Variants in ENTHD1 observed in about 807,000 individuals in gnomAD.
ENTHD1 encodes ENTH domain containing 1, also known as ENTH domain-containing protein 1.
In ENTHD1, 23 loss-of-function variants were observed where a neutral mutation model predicts 39.1. The observed-to-expected ratio is 0.59, with a 90% CI of 0.42 to 0.83. The LOEUF (loss-of-function observed/expected upper bound fraction) is 0.83, where lower values mean the gene tolerates loss of function less well. Among genes scored for constraint, ENTHD1 ranks in the 40% least tolerant of loss-of-function variants. The pLI is 0.00. For missense variants in ENTHD1, 624 were observed against 705.4 expected, an observed-to-expected ratio of 0.88 and a Z score of 1.31; for synonymous variants, 230 against 258.2, an observed-to-expected ratio of 0.89 and a Z score of 1.05.
chr22:39,799,031 G>A (rs2065576318), intron 5 of ENTHD1, among the ~76,000 whole-genome samples: 1 of 152,188 alleles, frequency 6.6e-6, no homozygotes, highest in African/African-American at 2.4e-5. Context: ...CCTAGGTGGT[G>A]TGTCTGGGCC....
intron 2 of ENTHD1, chr22:39,875,348 C>T (rs935708564): frequency 3.7e-6 from 5 of 1,354,756 alleles, no homozygotes; most frequent in Admixed American, 3.8e-5. Flanking sequence ...GGCCACGTCC[C>T]GCGGGGTGGC....
chr22:39,846,304 G>A (rs879286737), intron 3 of ENTHD1, among the ~76,000 whole-genome samples: 5 of 152,106 alleles, frequency 3.3e-5, no homozygotes, highest in Non-Finnish European at 5.9e-5. Flanking sequence ...AGGCTCAAGC[G>A]ATCTTCCCAT....
intron 5 of ENTHD1, among the ~76,000 whole-genome samples, chr22:39,798,593 G>A (rs74729745): frequency 0.1 from 15,531 of 152,224 alleles, 923 homozygotes; most frequent in Middle Eastern, 0.14. Context: ...CGGGACAGGA[G>A]TGTCAAGTCA....
intron 3 of ENTHD1, among the ~76,000 whole-genome samples, chr22:39,861,348 T>A (rs2066138328): frequency 6.6e-6 from 1 of 152,176 alleles, no homozygotes; most frequent in South Asian, 2.1e-4. Context: ...GAGACCAGCC[T>A]GGGCAACATG....
chr22:39,750,183 T>C (rs759698199), intron 6 of ENTHD1: 3 of 208,130 alleles, frequency 1.4e-5, no homozygotes, highest in Non-Finnish European at 3.2e-5. Context: ...ATAAAGACTA[T>C]GGATCAACTA....
chr22:39,803,287 G>A lies in ENTHD1; in HGVS notation c.832+17706C>T, dbSNP rs193203450. 2.1e-3 allele frequency among the ~76,000 whole-genome samples: 315 copies of A among 151,754 alleles called. 3 individuals are homozygous for A. The highest frequency in any genetic ancestry group is 2.1e-3 in the Non-Finnish European group (141 of 67,944). ...TCCATAACTGAATCTCTCGATTTGCGCTTCCCTCTGCTTGGAATGTTCCTT... is the reference window on the plus strand; with the variant it reads ...TCCATAACTGAATCTCTCGATTTGCACTTCCCTCTGCTTGGAATGTTCCTT... On this transcript the variant is annotated intron_variant, in intron 5 of 6. Transcript: ENST00000325157.
chr22:39,797,127 T>C (rs1388111337), intron 5 of ENTHD1, among the ~76,000 whole-genome samples: 1 of 152,244 alleles, frequency 6.6e-6, no homozygotes, highest in Non-Finnish European at 1.5e-5. Flanking sequence ...ACCTTGTCTC[T>C]TTTTACTGTT....
At chr22:39,770,068 C>T (rs541418274) in intron 5 of ENTHD1, among the ~76,000 whole-genome samples, 43 of 152,128 alleles carry the variant, frequency 2.8e-4, no homozygotes, top group Non-Finnish European at 4.9e-4. Flanking sequence ...TGTTGTTGCT[C>T]GGAAAGTTAA....
In ENTHD1 at chr22:39,846,860, G is replaced by T. The variant is rs537140717; in HGVS notation, c.593-10902C>A. Among the ~76,000 whole-genome samples, 479 of 152,178 alleles carry T rather than the reference G, an allele frequency of 3.1e-3. 4 individuals carry two copies. Among genetic ancestry groups the T allele is most frequent in the African/African-American group, 0.011 (460 of 41,530 alleles). On this transcript the variant is annotated intron_variant, in intron 3 of 6. Coordinates refer to ENST00000325157, the MANE Select transcript of ENTHD1 (RefSeq NM_152512.4). ...CACAATGAGATACCATCTCACACCA[G>T]TTAGAATGGCAGTCATTAAAAAGTC...
At chr22:39,835,008 TG>T (rs1187105550) in intron 4 of ENTHD1, among the ~76,000 whole-genome samples, 1 of 152,174 alleles carries the variant, frequency 6.6e-6, no homozygotes, top group Non-Finnish European at 1.5e-5. Flanking sequence ...TTTGTGGTGA[TG>T]GAACAGTTCT....
intron 5 of ENTHD1, among the ~76,000 whole-genome samples, chr22:39,767,825 A>T (rs981268177): frequency 2.6e-5 from 4 of 152,214 alleles, no homozygotes; most frequent in Non-Finnish European, 5.9e-5. Flanking sequence ...GTTTAGTAAA[A>T]AAGTTTAAAA....
At chr22:39,788,973 A>G (rs997729007) in intron 5 of ENTHD1, among the ~76,000 whole-genome samples, 8 of 152,354 alleles carry the variant, frequency 5.3e-5, no homozygotes, top group Admixed American at 5.2e-4. Context: ...TATGGTGTAA[A>G]CATAACTTCT....
intron 5 of ENTHD1, among the ~76,000 whole-genome samples, chr22:39,799,463 G>A (rs1434368404): frequency 6.6e-6 from 1 of 152,024 alleles, no homozygotes; most frequent in Admixed American, 6.6e-5. Flanking sequence ...GGAAAAAGTA[G>A]GTACACAGAC....
chr22:39,825,624 A>G (rs1478261204), intron 4 of ENTHD1, among the ~76,000 whole-genome samples: 1 of 152,026 alleles, frequency 6.6e-6, no homozygotes, highest in Non-Finnish European at 1.5e-5. Context: ...AAATGATTGT[A>G]GAACTATTGA....
intron 4 of ENTHD1, among the ~76,000 whole-genome samples, chr22:39,821,909 C>T (rs2065785861): frequency 6.6e-6 from 1 of 152,158 alleles, no homozygotes; most frequent in Admixed American, 6.5e-5. Context: ...GAGGGCTATG[C>T]CCTTATGACC....
intron 5 of ENTHD1, among the ~76,000 whole-genome samples, chr22:39,795,790 T>G (rs906264204): frequency 3.9e-5 from 6 of 152,174 alleles, no homozygotes; most frequent in African/African-American, 1.4e-4. Flanking sequence ...ATTTTTGGCT[T>G]CTTCCTGATT....
intron 5 of ENTHD1, among the ~76,000 whole-genome samples, chr22:39,779,375 A>T (rs1182954934): frequency 1.3e-5 from 2 of 152,130 alleles, no homozygotes; most frequent in African/African-American, 4.8e-5. Context: ...AAAACAAAAA[A>T]CAAAACCAAG....
intron 1 of ENTHD1, among the ~76,000 whole-genome samples, chr22:39,890,364 T>G (rs956524231): frequency 5.3e-5 from 7 of 131,000 alleles, no homozygotes; most frequent in African/African-American, 3.1e-4. Flanking sequence ...AGCAGGAGGG[T>G]TTTTTTTTCT....
intron 5 of ENTHD1, among the ~76,000 whole-genome samples, chr22:39,791,563 T>A (rs1415418771): frequency 1.3e-5 from 2 of 150,268 alleles, no homozygotes; most frequent in Non-Finnish European, 3.0e-5. Flanking sequence ...CCTGGCTGAT[T>A]TTTTTTGTAT....
Sources: allele counts gnomAD v4.1 joint callset (sites outside exome capture counted in the v4.1 genomes callset), GRCh38; gene constraint gnomAD v4.1.1; transcripts MANE v1.5; gene names NCBI Gene and HGNC (gene_info 2026-07-23, HGNC 2026-07-21).